Variants in SHARPIN observed in about 807,000 individuals in gnomAD.
SHARPIN encodes the protein SHANK associated RH domain interactor, also known as hSIPL1.
A neutral mutation model predicts 40.3 loss-of-function variants in SHARPIN; 25 were observed. The observed-to-expected ratio is 0.62, with a 90% CI of 0.45 to 0.87. The LOEUF is 0.87. Ranked by LOEUF, SHARPIN falls within the 40% of genes least tolerant of loss-of-function variation. SHARPIN has a pLI of 0.00. For synonymous variants in SHARPIN, 274 were observed against 221.8 expected, an observed-to-expected ratio of 1.24 and a Z score of -2.09; for missense variants, 551 against 516.1, an observed-to-expected ratio of 1.07 and a Z score of -0.66.
chr8:144,098,974 G>C lies in SHARPIN; in HGVS notation c.1068C>G (p.Ser356=). Residue 356 remains serine, a synonymous_variant, in exon 8 of 9, where the codon TCC becomes TCG. Transcript: ENST00000398712. ...GGTCTGGGGCATTGATGAAGGTGCA[G>C]GAAGGACAGGACCAGCTGGGCTGGG... ...SPLQPSWSCP[S]CTFINAPDRP... 6.2e-7 allele frequency: 1 copy of C among 1,601,964 alleles called. No homozygotes were observed. The highest frequency in any genetic ancestry group is 8.5e-7 in the Non-Finnish European group (1 of 1,176,668).
Position 144,099,631 on chromosome 8 carries a change from G to A in SHARPIN, c.660-13C>T, listed in dbSNP as rs377516994. On this transcript the variant is annotated splice_polypyrimidine_tract_variant and intron_variant, in intron 4 of 8. Coordinates refer to ENST00000398712, the MANE Select transcript of SHARPIN (RefSeq NM_030974.4). The stretch of plus-strand genomic sequence containing the variant: ...TGTGACCTGCAGCCTGTGCCAGAAT[G>A]TGGGTTCAGGGATGGATGGGGGACC... The A allele has an allele frequency of 6.2e-7, 1 of 1,613,648 alleles. No homozygotes were observed. Among genetic ancestry groups the A allele is most frequent in the African/African-American group, 1.3e-5 (1 of 74,930 alleles).
At position 144,099,968 on chromosome 8, in the gene SHARPIN, C is replaced by T. The variant is rs1836256189; in HGVS notation, c.478G>A (p.Ala160Thr). Residue 160 changes from alanine to threonine, a missense_variant, in exon 3 of 9, where the codon GCA becomes ACA. Ala to Thr is a moderately conservative substitution (Grantham distance 58, BLOSUM62 0). Transcript: ENST00000398712. Reference sequence around the variant, plus strand: ...TTTCCAGGGCTCCTAGGAAGATCTGCCTCAGGTGGAGGGCCCTTGAGTGTG... The same window carrying T: ...TTTCCAGGGCTCCTAGGAAGATCTGTCTCAGGTGGAGGGCCCTTGAGTGTG... ...ASTLKGPPPEADLPRSPGNLT... is the reference protein window; with the variant it reads ...ASTLKGPPPETDLPRSPGNLT... 6.2e-7 allele frequency: 1 copy of T among 1,606,212 alleles called. No individual in the cohort carries two copies. Among genetic ancestry groups the T allele is most frequent in the Non-Finnish European group, 8.5e-7 (1 of 1,176,284 alleles).
Position 144,099,214 on chromosome 8 carries a change from G to A in SHARPIN, c.923-9C>T, listed in dbSNP as rs1490780317. On this transcript the variant is annotated splice_polypyrimidine_tract_variant and intron_variant, in intron 6 of 8. Transcript: ENST00000398712. ...AGGGCTAGGTCCTGTGGCTGAGGGG[G>A]TGGAGCTCAGGACTGTGGGGCTGCA... The A allele has an allele frequency of 1.9e-6, 3 of 1,608,734 alleles. No homozygotes were observed. Among genetic ancestry groups the A allele is most frequent in the Non-Finnish European group, 2.5e-6 (3 of 1,177,954 alleles).
Position 144,099,612 on chromosome 8 carries a change from C to CTGCA in SHARPIN, c.662_665dup (p.Gln222HisfsTer6). 6.2e-7 allele frequency: 1 copy of CTGCA among 1,613,966 alleles called. No homozygotes were observed. Among genetic ancestry groups the CTGCA allele is most frequent in the Non-Finnish European group, 8.5e-7 (1 of 1,179,942 alleles). ...CAGAGGCAGCGTCTTCAAGTGTGACCTGCAGCCTGTGCCAGAATGTGGGTT... is the reference window on the plus strand; with the variant it reads ...CAGAGGCAGCGTCTTCAAGTGTGACCTGCATGCAGCCTGTGCCAGAATGTGGGTT... On this transcript the variant is annotated frameshift_variant, in exon 5 of 9. Coordinates refer to ENST00000398712, the MANE Select transcript of SHARPIN (RefSeq NM_030974.4). LOFTEE classifies it high-confidence loss of function.
At chr8:144,103,397 G>A (rs1321856344) in intron 1 of SHARPIN, among the ~76,000 whole-genome samples, 156 bp downstream of exon 1, 1 of 152,230 alleles carries the variant, frequency 6.6e-6, no homozygotes, top group African/African-American at 2.4e-5. Context: ...GTCCCAGTAG[G>A]TCCGAGCGTC....
At position 144,099,815 on chromosome 8, in the gene SHARPIN, T is replaced by A. The variant is rs762440714; in HGVS notation, c.547A>T (p.Ile183Phe). 10 of 1,612,724 alleles carry A rather than the reference T, an allele frequency of 6.2e-6. No individual in the cohort carries two copies. The highest frequency in any genetic ancestry group is 8.5e-6 in the Non-Finnish European group (10 of 1,179,976). The change falls in exon 4 of 9, where the codon ATT becomes TTT. Residue 183 changes from isoleucine (I) to phenylalanine (F), a missense_variant. Physicochemically the swap from Ile to Phe is conservative, Grantham distance 21. Transcript: ENST00000398712. ...EELAGSLARA[I>F]AGGDEKGAAQ... ...GCCCCCTTCTCGTCTCCACCTGCAATAGCCCGGGCCAGGCTCCCTGCCAGC... is the reference window on the plus strand; with the variant it reads ...GCCCCCTTCTCGTCTCCACCTGCAAAAGCCCGGGCCAGGCTCCCTGCCAGC...
rs554522364 is a variant in SHARPIN at position 144,099,747 on chromosome 8, C to T, written c.615G>A (p.Leu205=). 74 of 1,613,482 alleles carry T rather than the reference C, an allele frequency of 4.6e-5. No homozygotes were observed. The highest frequency in any genetic ancestry group is 5.8e-5 in the Non-Finnish European group (68 of 1,180,002). Residue 205 remains leucine (L), a synonymous_variant, in exon 4 of 9, where the codon CTG becomes CTA. Transcript: ENST00000398712. ...AAVLAQHRVA[L]SVQLQEACFP... ...AGCAGGCCTCCTGAAGCTGAACACTCAGGGCCACACGATGCTGGGCCAGGA... is the reference window on the plus strand; with the variant it reads ...AGCAGGCCTCCTGAAGCTGAACACTTAGGGCCACACGATGCTGGGCCAGGA...
At chr8:144,102,954 C>T in intron 2 of SHARPIN, 97 bp downstream of exon 2, 1 of 1,473,186 alleles carries the variant, frequency 6.8e-7, no homozygotes. Flanking sequence ...CCTTCCCAGA[C>T]ATCCAGCAGT....
rs773979958 is a variant in SHARPIN at position 144,099,125 on chromosome 8, G to A, written c.1003C>T (p.Pro335Ser). 1.3e-6 allele frequency: 2 copies of A among 1,589,036 alleles called. No homozygotes were observed. Among genetic ancestry groups the A allele is most frequent in the Admixed American group, 1.8e-5 (1 of 54,756 alleles). ...CTGGAGGCAGCTGGCTGGGGGCCTG[G>A]GGGTAGCCCCAATGATGGGGGAAAC... ...RLFPPSLGLP[P>S]GPQPAASSLP... The change falls in exon 7 of 9, where the codon CCA (proline) becomes TCA (serine). Residue 335 changes from proline (P) to serine (S), a missense_variant. Physicochemically the swap from Pro to Ser is moderately conservative, Grantham distance 74 (BLOSUM62 -1). Coordinates refer to ENST00000398712, the MANE Select transcript of SHARPIN (RefSeq NM_030974.4).
intron 2 of SHARPIN, 56 bp downstream of exon 2, chr8:144,102,995 G>A: frequency 6.2e-7 from 1 of 1,606,272 alleles, no homozygotes; most frequent in South Asian, 1.1e-5. Context: ...CCCCAACCAG[G>A]ACTGGGGGGC....
rs576711521 is a variant in SHARPIN, at chr8:144,102,994, G to C, written c.376+57C>G. 3.7e-6 allele frequency: 6 copies of C among 1,603,256 alleles called. No individual in the cohort carries two copies. In the Admixed American group the frequency reaches 8.3e-5, roughly 22 times the overall value. Reference sequence around the variant, plus strand: ...AAGGTGGATCCAACTTCCCCAACCAGGACTGGGGGGCCAAGGCTATTCCAA... The same window carrying C: ...AAGGTGGATCCAACTTCCCCAACCACGACTGGGGGGCCAAGGCTATTCCAA... On this transcript the variant is annotated intron_variant, in intron 2 of 8. Coordinates refer to ENST00000398712, the MANE Select transcript of SHARPIN (RefSeq NM_030974.4).
At chr8:144,102,574 C>T (rs1250126597) in intron 2 of SHARPIN, 1 of 172,928 alleles carries the variant, frequency 5.8e-6, no homozygotes, top group Non-Finnish European at 1.3e-5. Context: ...CACCCGGCCA[C>T]TAATTCCATC....
rs143866381 is a variant in SHARPIN at position 144,100,099 on chromosome 8, G to A, written c.377-30C>T. On this transcript the variant is annotated intron_variant, in intron 2 of 8. Transcript: ENST00000398712. The stretch of plus-strand genomic sequence containing the variant: ...AGGTAAGATATGGGTGTGCTGTGCT[G>A]TGGCCTCTGTCCAGGCCTCTAGGCC... 854 of 1,538,864 alleles carry A rather than the reference G, an allele frequency of 5.5e-4. 5 individuals carry two copies. In the African/African-American group the frequency reaches 0.01, roughly 19 times the overall value.
chr8:144,103,529 C>T (rs1384169107), intron 1 of SHARPIN, 24 bp downstream of exon 1: 2 of 1,529,996 alleles, frequency 1.3e-6, no homozygotes, highest in East Asian at 2.5e-5. Flanking sequence ...GAGGACTGAC[C>T]GCGCGCCCTC....
At chr8:144,101,450 C>G (rs887456525) in intron 2 of SHARPIN, among the ~76,000 whole-genome samples, 3 of 146,864 alleles carry the variant, frequency 2.0e-5, no homozygotes, top group African/African-American at 7.6e-5. Flanking sequence ...GCTCTGTTGC[C>G]CAGGCTGGAG....
intron 2 of SHARPIN, chr8:144,102,829 T>C (rs886448416): frequency 2.2e-5 from 14 of 638,316 alleles, no homozygotes; most frequent in African/African-American, 7.3e-5. Context: ...CAGGGCTTCC[T>C]GGTGGAGGCT....
In SHARPIN at chr8:144,102,533, A is replaced by G. The variant is rs191764494; in HGVS notation, c.376+518T>C. ...AGGTGATCACCCACCTCGGCCTCCC[A>G]AAGTGCTGGAATTACAGGCGTGAGC... On this transcript the variant is annotated intron_variant, in intron 2 of 8. Transcript: ENST00000398712. 7.8e-5 allele frequency: 13 copies of G among 166,444 alleles called. No homozygotes were observed. In the East Asian group the frequency reaches 2.4e-3, roughly 30 times the overall value. The allele number at this position is 166,444 out of a possible 1,614,324, so 10.3% of individuals were successfully genotyped here.
rs1231167903 is a variant in SHARPIN at position 144,103,570 on chromosome 8, C to G, written c.184G>C (p.Gly62Arg). The G allele has an allele frequency of 1.3e-6, 2 of 1,531,140 alleles. No individual in the cohort carries two copies. 94.8% of individuals were successfully genotyped at this position (1,531,140 alleles called of 1,614,324 possible). ...RPGRFRLELL[G>R]AGPGAVNLEW... is the part of the protein sequence containing the mutation. ...CCACTCACCGCCCCAGGTCCCGCGC[C>G]CAGCAGCTCCAGCCGGAAGCGCCCA... The change falls in exon 1 of 9, where the codon GGC becomes CGC. Residue 62 changes from glycine (G) to arginine (R), a missense_variant. Physicochemically the swap from Gly to Arg is moderately radical, Grantham distance 125 (BLOSUM62 -2). Coordinates refer to ENST00000398712, the MANE Select transcript of SHARPIN (RefSeq NM_030974.4).
In SHARPIN at chr8:144,103,558, C is replaced by G. The variant is rs1429888372; in HGVS notation, c.196G>C (p.Gly66Arg). Residue 66 changes from glycine to arginine, a missense_variant, in exon 1 of 9, where the codon GGG becomes CGG. Transcript: ENST00000398712. ...FRLELLGAGP[G>R]AVNLEWPLES... The stretch of plus-strand genomic sequence containing the variant: ...CGCCCTCCGCCCCCACTCACCGCCC[C>G]AGGTCCCGCGCCCAGCAGCTCCAGC... 2 of 1,531,846 alleles carry G rather than the reference C, an allele frequency of 1.3e-6. No homozygotes were observed. Among genetic ancestry groups the G allele is most frequent in the Admixed American group, 3.9e-5 (2 of 50,890 alleles). The allele number at this position is 1,531,846 out of a possible 1,614,324, so 94.9% of individuals were successfully genotyped here. A position where few individuals can be genotyped will look rare whatever the true frequency, so the allele number is the denominator to read the frequency against.
Sources: allele counts gnomAD v4.1 joint callset (sites outside exome capture counted in the v4.1 genomes callset), GRCh38; gene constraint gnomAD v4.1.1; transcripts MANE v1.5; gene names NCBI Gene and HGNC (gene_info 2026-07-23, HGNC 2026-07-21).